ZDHHC3: variants seen among roughly 807,000 people sequenced by gnomAD.
ZDHHC3 encodes the protein zDHHC palmitoyltransferase 3.
Under a neutral mutation model 30.6 loss-of-function variants are expected in ZDHHC3, and 9 were observed. The ratio of observed to expected loss-of-function variants is 0.29; its 90% CI spans 0.18 to 0.51. The LOEUF (loss-of-function observed/expected upper bound fraction) is 0.51. Ranked by LOEUF, ZDHHC3 falls within the 20% of genes least tolerant of loss-of-function variation. The pLI, the probability that ZDHHC3 is intolerant of heterozygous loss-of-function variation, is 0.97. For synonymous variants in ZDHHC3, 136 were observed against 140.2 expected (o/e 0.97, Z 0.21); for missense variants, 246 against 384.2 (o/e 0.64, Z 3.01).
chr3:44,973,014 A>G (rs969508008), intron 1 of ZDHHC3, among the ~76,000 whole-genome samples: 7 of 152,186 alleles, frequency 4.6e-5, no homozygotes, highest in African/African-American at 1.4e-4. Flanking sequence ...TTCTGCTCAT[A>G]TATAACCTTT....
chr3:44,936,721 G>A (rs1485661128), intron 3 of ZDHHC3, among the ~76,000 whole-genome samples: 1 of 152,168 alleles, frequency 6.6e-6, no homozygotes, highest in Non-Finnish European at 1.5e-5. Flanking sequence ...ACCTGAAGGT[G>A]GAGGGTAGGA....
Position 44,959,201 on chromosome 3 carries a change from T to C in ZDHHC3, c.236A>G (p.Asn79Ser), listed in dbSNP as rs1174295500. ...GGCCAGCAGGTTGAACACAATTCCGTTGATGATGCTATACACGTAGTCTCG... is the reference window on the plus strand; with the variant it reads ...GGCCAGCAGGTTGAACACAATTCCGCTGATGATGCTATACACGTAGTCTCG... ...PSRDYVYSIINGIVFNLLAFL... is the reference protein window; with the variant it reads ...PSRDYVYSIISGIVFNLLAFL... The change falls in exon 2 of 7, where the codon AAC becomes AGC. Residue 79 changes from asparagine to serine, a missense_variant. Coordinates refer to ENST00000424952, the MANE Select transcript of ZDHHC3 (RefSeq NM_001135179.2). The surrounding 1 kb of genome is among the most constrained non-coding windows in gnomAD (Gnocchi z 4.3). 3.7e-6 allele frequency: 6 copies of C among 1,614,100 alleles called. No homozygotes were observed. Among genetic ancestry groups the C allele is most frequent in the Non-Finnish European group, 5.1e-6 (6 of 1,180,054 alleles).
intron 1 of ZDHHC3, among the ~76,000 whole-genome samples, chr3:44,962,615 T>C (rs1575933021): frequency 6.6e-6 from 1 of 152,146 alleles, no homozygotes; most frequent in Non-Finnish European, 1.5e-5. Flanking sequence ...GAATGATTTA[T>C]TTAGAGTTAT....
chr3:44,952,974 A>G (rs965510626), intron 2 of ZDHHC3, among the ~76,000 whole-genome samples: 1 of 152,258 alleles, frequency 6.6e-6, no homozygotes, highest in Non-Finnish European at 1.5e-5. Flanking sequence ...CAAACTGCTT[A>G]GGGCCTGGCA....
chr3:44,927,518 G>A (rs1701099853), intron 6 of ZDHHC3, among the ~76,000 whole-genome samples: 1 of 152,180 alleles, frequency 6.6e-6, no homozygotes, highest in African/African-American at 2.4e-5. Flanking sequence ...GAAGGAGGAG[G>A]GATTAGTACA....
intron 5 of ZDHHC3, among the ~76,000 whole-genome samples, chr3:44,931,235 C>T (rs1415730899): frequency 1.3e-5 from 2 of 152,196 alleles, no homozygotes; most frequent in Admixed American, 6.5e-5. Context: ...CTGCACAGTT[C>T]GGCCTTGGCC....
intron 5 of ZDHHC3, among the ~76,000 whole-genome samples, chr3:44,932,437 CG>C (rs1244979762): frequency 1.3e-5 from 2 of 152,166 alleles, no homozygotes; most frequent in Non-Finnish European, 2.9e-5. Flanking sequence ...TTGCTCAAGA[CG>C]TTTGTCTCAC....
chr3:44,954,923 T>C (rs1703798351), intron 2 of ZDHHC3, among the ~76,000 whole-genome samples: 1 of 152,164 alleles, frequency 6.6e-6, no homozygotes, highest in Non-Finnish European at 1.5e-5. Flanking sequence ...GGTAGTAAGA[T>C]AAGGGTTTCT....
Position 44,920,191 on chromosome 3 carries a change from C to T in ZDHHC3, c.*6498G>A, listed in dbSNP as rs1003546569. On this transcript the variant is annotated 3_prime_UTR_variant, in exon 7 of 7. Transcript: ENST00000424952. Reference sequence around the variant, plus strand: ...TCTTGTTGACACAAGTCTAAAGGGACCTTCATGTGGGTCATGAGCATGTGA... The same window carrying T: ...TCTTGTTGACACAAGTCTAAAGGGATCTTCATGTGGGTCATGAGCATGTGA... 18 of 1,288,764 alleles carry T rather than the reference C, an allele frequency of 1.4e-5. No homozygotes were observed. In the African/African-American group the frequency reaches 1.8e-4, roughly 13 times the overall value. 79.8% of individuals were successfully genotyped at this position (1,288,764 alleles called of 1,614,324 possible).
At chr3:44,929,586 A>C (rs1179647430) in intron 5 of ZDHHC3, 150 bp from the exon 6 acceptor site, 1 of 1,095,678 alleles carries the variant, frequency 9.1e-7, no homozygotes, top group Non-Finnish European at 1.3e-6. Context: ...GGCTACGGTG[A>C]GAATCATCCT....
In ZDHHC3 at chr3:44,915,708, T is replaced by C. The variant is rs1355490565; in HGVS notation, c.*10981A>G. On this transcript the variant is annotated 3_prime_UTR_variant, in exon 7 of 7. Transcript: ENST00000424952. ...AAGATGGATTCCCTAGAAGAGGAGT[T>C]TGAAGCCCAATGTGCAAGGACATTT... is the stretch of plus-strand genomic sequence containing the variant. 1 of 152,256 alleles carries C rather than the reference T, an allele frequency of 6.6e-6. No individual in the cohort carries two copies. Among genetic ancestry groups the C allele is most frequent in the African/African-American group, 2.4e-5 (1 of 41,444 alleles). 9.4% of individuals were successfully genotyped at this position (152,256 alleles called of 1,614,324 possible).
chr3:44,965,202 C>T (rs1396905779), intron 1 of ZDHHC3, among the ~76,000 whole-genome samples: 4 of 152,198 alleles, frequency 2.6e-5, no homozygotes, highest in Admixed American at 2.6e-4. Context: ...AAAGCAACAA[C>T]AAAAACTGCC....
chr3:44,920,498 G>A lies in ZDHHC3; in HGVS notation c.*6191C>T. ...TAGGTTTTTATGGCCTCCTTGTGAGGAGGTGGGTATGAGTATTGATGATTG... is the reference window on the plus strand; with the variant it reads ...TAGGTTTTTATGGCCTCCTTGTGAGAAGGTGGGTATGAGTATTGATGATTG... On this transcript the variant is annotated 3_prime_UTR_variant, in exon 7 of 7. Coordinates refer to ENST00000424952, the MANE Select transcript of ZDHHC3 (RefSeq NM_001135179.2). 4.1e-6 allele frequency: 4 copies of A among 985,456 alleles called. No homozygotes were observed. The highest frequency in any genetic ancestry group is 4.8e-6 in the Non-Finnish European group (4 of 829,940). The allele number at this position is 985,456 out of a possible 1,614,324, so 61.0% of individuals were successfully genotyped here.
intron 2 of ZDHHC3, among the ~76,000 whole-genome samples, chr3:44,949,280 A>G (rs1335372670): frequency 6.6e-6 from 1 of 152,186 alleles, no homozygotes; most frequent in African/African-American, 2.4e-5. Flanking sequence ...TTATTGACAC[A>G]GGAAACATCT....
At chr3:44,961,859 A>C (rs1327248330) in intron 1 of ZDHHC3, among the ~76,000 whole-genome samples, 1 of 152,248 alleles carries the variant, frequency 6.6e-6, no homozygotes, top group East Asian at 1.9e-4. Flanking sequence ...ATGTCATTTG[A>C]TTATAAATTG....
intron 1 of ZDHHC3, among the ~76,000 whole-genome samples, chr3:44,961,623 A>G (rs534203809): frequency 6.6e-6 from 1 of 152,316 alleles, no homozygotes; most frequent in East Asian, 1.9e-4. Context: ...ACCTGTGCCC[A>G]GCAAATTCTA....
Position 44,925,529 on chromosome 3 carries a change from C to G in ZDHHC3, c.*1160G>C. On this transcript the variant is annotated 3_prime_UTR_variant, in exon 7 of 7. Transcript: ENST00000424952. ...AGGAAGTGCCTCTCAAATGGAAAATCTATTCTGTCCCAGTGCCACAGGCTT... is the reference window on the plus strand; with the variant it reads ...AGGAAGTGCCTCTCAAATGGAAAATGTATTCTGTCCCAGTGCCACAGGCTT... The G allele has an allele frequency of 1.0e-6, 1 of 985,474 alleles. No homozygotes were observed. The highest frequency in any genetic ancestry group is 1.2e-6 in the Non-Finnish European group (1 of 829,942). The allele number at this position is 985,474 out of a possible 1,614,324, so 61.0% of individuals were successfully genotyped here.
At chr3:44,965,325 G>A (rs915513615) in intron 1 of ZDHHC3, among the ~76,000 whole-genome samples, 1 of 149,102 alleles carries the variant, frequency 6.7e-6, no homozygotes, top group Non-Finnish European at 1.5e-5. Context: ...TATACTTAGT[G>A]AAGTGGAGTC....
chr3:44,971,800 C>G (rs1369597211), intron 1 of ZDHHC3, among the ~76,000 whole-genome samples: 1 of 152,176 alleles, frequency 6.6e-6, no homozygotes, highest in Non-Finnish European at 1.5e-5. Context: ...ACTGTAATCT[C>G]AAGTTACAAT....
Sources: allele counts gnomAD v4.1 joint callset (sites outside exome capture counted in the v4.1 genomes callset), GRCh38; gene constraint gnomAD v4.1.1; non-coding constraint Gnocchi (gnomAD v3.1); transcripts MANE v1.5; gene names NCBI Gene and HGNC (gene_info 2026-07-23, HGNC 2026-07-21).